TPH2: variants seen among roughly 807,000 people sequenced by gnomAD.
TPH2 encodes tryptophan hydroxylase 2, also known as tryptophan 5-hydroxylase 2.
Under a neutral mutation model 59.1 loss-of-function variants are expected in TPH2, and 27 were observed. The ratio of observed to expected loss-of-function variants is 0.46; its 90% confidence interval spans 0.34 to 0.63. The LOEUF is 0.63. TPH2 is among the 30% of genes least tolerant of loss of function. The pLI, the probability that TPH2 is intolerant of heterozygous loss-of-function variation, is 0.01. For synonymous variants in TPH2, 220 were observed against 210.5 expected, an observed-to-expected ratio of 1.05 and a Z score of -0.39; for missense variants, 523 against 588.3, an observed-to-expected ratio of 0.89 and a Z score of 1.15.
chr12:72,014,593 G>A (rs1214321562), intron 8 of TPH2, among the ~76,000 whole-genome samples: 1 of 151,990 alleles, frequency 6.6e-6, no homozygotes, highest in Non-Finnish European at 1.5e-5. Flanking sequence ...GTTTCGCCAT[G>A]TTGGCCAGGC....
intron 9 of TPH2, among the ~76,000 whole-genome samples, chr12:72,026,694 C>G (rs900319514): frequency 6.6e-6 from 1 of 152,128 alleles, no homozygotes; most frequent in Non-Finnish European, 1.5e-5. Context: ...ACGTTGGGAG[C>G]TGGAAACTCT....
At chr12:72,021,972 A>G (rs1873431399) in intron 8 of TPH2, among the ~76,000 whole-genome samples, 1 of 152,248 alleles carries the variant, frequency 6.6e-6, no homozygotes, top group Non-Finnish European at 1.5e-5. Context: ...TGCCAAAAAC[A>G]GTTAGCGATT....
chr12:71,974,284 C>T (rs1054178265), intron 6 of TPH2, among the ~76,000 whole-genome samples: 1 of 152,152 alleles, frequency 6.6e-6, no homozygotes, highest in Non-Finnish European at 1.5e-5. Context: ...TGTAACAACA[C>T]ATTACCACAA....
At chr12:71,983,789 CAG>C (rs992820014) in intron 7 of TPH2, among the ~76,000 whole-genome samples, 4 of 136,064 alleles carry the variant, frequency 2.9e-5, no homozygotes, top group Non-Finnish European at 4.8e-5. Flanking sequence ...GAGAGAGAGA[CAG>C]AGAGAGAGAG....
At chr12:71,959,191 A>G (rs1871605762) in intron 5 of TPH2, among the ~76,000 whole-genome samples, 1 of 152,136 alleles carries the variant, frequency 6.6e-6, no homozygotes, top group South Asian at 2.1e-4. Flanking sequence ...AGATACATAA[A>G]TATGGAATGG....
At chr12:71,982,013 G>GTTTTTTTTTTTTTTTTTTTTTTT (rs1468983565) in intron 7 of TPH2, among the ~76,000 whole-genome samples, 11 of 55,688 alleles carry the variant, frequency 2.0e-4, no homozygotes, top group Non-Finnish European at 3.7e-4. Context: ...CATATCATTC[G>GTTTTTTTTTTTTTTTTTTTTTTT]TATTTTTTTT....
intron 7 of TPH2, among the ~76,000 whole-genome samples, chr12:71,982,804 C>T (rs1872321307): frequency 6.6e-6 from 1 of 152,090 alleles, no homozygotes; most frequent in Non-Finnish European, 1.5e-5. Flanking sequence ...CACTGAAGAC[C>T]CAGGTAGAAA....
intron 8 of TPH2, among the ~76,000 whole-genome samples, chr12:72,001,199 C>G (rs566858101): frequency 2.0e-5 from 3 of 152,266 alleles, no homozygotes; most frequent in East Asian, 1.9e-4. Flanking sequence ...TTCTGTCAAC[C>G]CTGAATCATG....
intron 3 of TPH2, 32 bp downstream of exon 3, chr12:71,944,509 T>C: frequency 6.2e-7 from 1 of 1,613,892 alleles, no homozygotes; most frequent in Non-Finnish European, 8.5e-7. Flanking sequence ...CGGGTAACTT[T>C]GCAATCTGAC....
intron 5 of TPH2, among the ~76,000 whole-genome samples, chr12:71,960,240 T>C (rs948749692): frequency 1.3e-5 from 2 of 152,204 alleles, no homozygotes; most frequent in East Asian, 3.9e-4. Context: ...GCTTCTCCTG[T>C]AGAATTCAAA....
intron 9 of TPH2, among the ~76,000 whole-genome samples, chr12:72,027,329 A>G (rs1873599055): frequency 1.3e-5 from 2 of 152,196 alleles, no homozygotes; most frequent in African/African-American, 4.8e-5. Context: ...ATATGTACAC[A>G]AAGCATCATC....
chr12:72,001,988 G>A (rs1204126033), intron 8 of TPH2, among the ~76,000 whole-genome samples: 1 of 152,110 alleles, frequency 6.6e-6, no homozygotes, highest in East Asian at 1.9e-4. Flanking sequence ...GAGGTCTATT[G>A]CACAGAAGGG....
chr12:71,966,250 CTT>C (rs200063099), intron 5 of TPH2, among the ~76,000 whole-genome samples: 91 of 147,388 alleles, frequency 6.2e-4, no homozygotes, highest in African/African-American at 1.7e-3. Flanking sequence ...CTGTCTAAAT[CTT>C]TTTTTTTTTA....
Position 71,982,015 on chromosome 12 carries a change from A to ATTTTTTTTTTTTT in TPH2, c.941+2933_941+2945dup, listed in dbSNP as rs781612841. Among the ~76,000 whole-genome samples the ATTTTTTTTTTTTT allele has an allele frequency of 5.8e-4, 35 of 60,490 alleles. 7 individuals are homozygous for ATTTTTTTTTTTTT. The highest frequency in any genetic ancestry group is 1.3e-3 in the East Asian group (3 of 2,330). The allele number at this position is 60,490 out of a possible 152,430, so 39.7% of individuals were successfully genotyped here. A position where few individuals can be genotyped will look rare whatever the true frequency, so the allele number is the denominator to read the frequency against. ...TTTTTGTGGGTTTCATATCATTCGTATTTTTTTTTTTTTTTTTAGACAGAG... is the reference window on the plus strand; with the variant it reads ...TTTTTGTGGGTTTCATATCATTCGTATTTTTTTTTTTTTTTTTTTTTTTTTTTTTTAGACAGAG... On this transcript the variant is annotated intron_variant, in intron 7 of 10. Transcript: ENST00000333850.
intron 9 of TPH2, among the ~76,000 whole-genome samples, chr12:72,030,317 A>T (rs925935133): frequency 3.9e-5 from 6 of 152,192 alleles, no homozygotes; most frequent in African/African-American, 1.4e-4. Flanking sequence ...GGTTTCATCC[A>T]GACCTGCCAA....
At chr12:71,957,327 ATTTTTTT>A (rs35425528) in intron 5 of TPH2, among the ~76,000 whole-genome samples, 33 of 95,592 alleles carry the variant, frequency 3.5e-4, no homozygotes, top group South Asian at 8.1e-4. Context: ...TGAGTAAAGG[ATTTTTTT>A]TTTTTTTTTT....
intron 5 of TPH2, among the ~76,000 whole-genome samples, chr12:71,956,406 C>T (rs1871497918): frequency 2.0e-5 from 3 of 150,988 alleles, no homozygotes; most frequent in Non-Finnish European, 3.0e-5. Flanking sequence ...CCCTCCCTCC[C>T]TCTCCTTCCC....
Position 72,032,168 on chromosome 12 carries a change from A to G in TPH2, c.*473A>G, listed in dbSNP as rs1873741459. The G allele has an allele frequency of 5.4e-6, 1 of 183,808 alleles. No homozygotes were observed. The highest frequency in any genetic ancestry group is 1.2e-4 in the South Asian group (1 of 8,550). The allele number at this position is 183,808 out of a possible 1,614,324, so 11.4% of individuals were successfully genotyped here. A position where few individuals can be genotyped will look rare whatever the true frequency, so the allele number is the denominator to read the frequency against. Reference sequence around the variant, plus strand: ...ATTGTAGGAAACTTCCCATCACAATAACAAAGGTTCAATATTCTATTTCAA... The same window carrying G: ...ATTGTAGGAAACTTCCCATCACAATGACAAAGGTTCAATATTCTATTTCAA... On this transcript the variant is annotated 3_prime_UTR_variant, in exon 11 of 11. Transcript: ENST00000333850.
At chr12:71,951,308 G>A (rs771986082) in intron 5 of TPH2, among the ~76,000 whole-genome samples, 1 of 152,134 alleles carries the variant, frequency 6.6e-6, no homozygotes, top group Non-Finnish European at 1.5e-5. Context: ...CTCCTTCTGC[G>A]GAATCAGGTC....
Sources: gnomAD v4.1 joint callset for allele counts (sites outside exome capture counted in the v4.1 genomes callset) on GRCh38, gnomAD v4.1.1 for gene constraint, MANE v1.5 for transcripts, NCBI Gene and HGNC (gene_info 2026-07-23, HGNC 2026-07-21) for gene names.